Variants in PPP1R15B observed in about 807,000 individuals in gnomAD.
PPP1R15B encodes protein phosphatase 1 regulatory subunit 15B.
PPP1R15B carries 31 observed loss-of-function variants against 53.9 expected under a neutral mutation model. That is an observed-to-expected ratio of 0.58 (90% confidence interval 0.43 to 0.78). The LOEUF (loss-of-function observed/expected upper bound fraction) is 0.78. PPP1R15B is among the 30% of genes least tolerant of loss of function. PPP1R15B has a pLI of 0.00. For synonymous variants in PPP1R15B, 345 were observed against 329.1 expected, an observed-to-expected ratio of 1.05 and a Z score of -0.52; for missense variants, 928 against 849.6, an observed-to-expected ratio of 1.09 and a Z score of -1.15.
rs1374484664 is a variant in PPP1R15B at position 204,404,620 on chromosome 1, GAAATA to G, written c.*1467_*1471del. 2 of 985,228 alleles carry G rather than the reference GAAATA, an allele frequency of 2.0e-6. No homozygotes were observed. Among genetic ancestry groups the G allele is most frequent in the African/African-American group, 1.7e-5 (1 of 57,216 alleles). The allele number at this position is 985,228 out of a possible 1,614,324, so 61.0% of individuals were successfully genotyped here. On this transcript the variant is annotated 3_prime_UTR_variant, in exon 2 of 2. Coordinates refer to ENST00000367188, the MANE Select transcript of PPP1R15B (RefSeq NM_032833.5). Reference sequence around the variant, plus strand: ...TGGAGGCAGTTCTTAGAACTGGATAGAAATAAAATAATGACCAGGTAGATTGTAAA... The same window carrying G: ...TGGAGGCAGTTCTTAGAACTGGATAGAAATAATGACCAGGTAGATTGTAAA...
At chr1:204,400,488 T>TC (rs1165879288), downstream of PPP1R15B, among the ~76,000 whole-genome samples, 1 of 148,424 alleles carries the variant, frequency 6.7e-6, no homozygotes, top group Non-Finnish European at 1.5e-5. Context: ...TTCTTTTTCT[T>TC]TTTTTTTTTT....
At position 204,406,772 on chromosome 1, in the gene PPP1R15B, TTAGA is replaced by T. The variant is rs369309297; in HGVS notation, c.1921-463_1921-460del. Among the ~76,000 whole-genome samples the T allele has an allele frequency of 4.2e-3, 643 of 151,316 alleles. 5 individuals carry two copies. The highest frequency in any genetic ancestry group is 0.015 in the African/African-American group (620 of 41,320). ...TGTCTCAAAAAAAAAAAAGTTCAGATTAGATGGCATTTGGATAAAATAGTGAACA... is the reference window on the plus strand; with the variant it reads ...TGTCTCAAAAAAAAAAAAGTTCAGATTGGCATTTGGATAAAATAGTGAACA... On this transcript the variant is annotated intron_variant, in intron 1 of 1. Coordinates refer to ENST00000367188, the MANE Select transcript of PPP1R15B (RefSeq NM_032833.5).
Position 204,405,150 on chromosome 1 carries a change from G to A in PPP1R15B, c.*942C>T. ...TATTCATTAACACTGGTTTTCTGTT[G>A]AGAACATATACACCAAAACCAAATT... is the stretch of plus-strand genomic sequence containing the variant. On this transcript the variant is annotated 3_prime_UTR_variant, in exon 2 of 2. Coordinates refer to ENST00000367188, the MANE Select transcript of PPP1R15B (RefSeq NM_032833.5). 1.0e-6 allele frequency: 1 copy of A among 985,820 alleles called. No homozygotes were observed. 61.1% of individuals were successfully genotyped at this position (985,820 alleles called of 1,614,324 possible).
chr1:204,406,778 G>A (rs1674272869), intron 1 of PPP1R15B, among the ~76,000 whole-genome samples: 1 of 151,300 alleles, frequency 6.6e-6, no homozygotes, highest in Non-Finnish European at 1.5e-5. Context: ...CAGATTAGAT[G>A]GCATTTGGAT....
In PPP1R15B at chr1:204,404,074, T is replaced by A. The variant is rs1674221814; in HGVS notation, c.*2018A>T. The A allele has an allele frequency of 1.0e-6, 1 of 985,336 alleles. No homozygotes were observed. The highest frequency in any genetic ancestry group is 1.2e-6 in the Non-Finnish European group (1 of 829,936). The allele number at this position is 985,336 out of a possible 1,614,324, so 61.0% of individuals were successfully genotyped here. On this transcript the variant is annotated 3_prime_UTR_variant, in exon 2 of 2. Coordinates refer to ENST00000367188, the MANE Select transcript of PPP1R15B (RefSeq NM_032833.5). ...TTCAGCCTGGTTTTAAAAGAATGCC[T>A]GTATGTTGTCAAAAGGCTTTTTTCA... is the stretch of plus-strand genomic sequence containing the variant.
chr1:204,399,265 T>A (rs899234338), downstream of PPP1R15B, among the ~76,000 whole-genome samples: 2 of 151,816 alleles, frequency 1.3e-5, no homozygotes, highest in Admixed American at 6.6e-5. Flanking sequence ...TCTATTTATA[T>A]ATATTAAAAA....
Position 204,405,978 on chromosome 1 carries a change from G to A in PPP1R15B, c.*114C>T. 6.8e-7 allele frequency: 1 copy of A among 1,470,002 alleles called. No individual in the cohort carries two copies. Among genetic ancestry groups the A allele is most frequent in the East Asian group, 2.4e-5 (1 of 41,882 alleles). The allele number at this position is 1,470,002 out of a possible 1,614,324, so 91.1% of individuals were successfully genotyped here. ...AAAAAAAAAATTAAACTAGATCCAA[G>A]TTACATTTCCTCTAAAAAAAAAAAT... is the stretch of plus-strand genomic sequence containing the variant. On this transcript the variant is annotated 3_prime_UTR_variant, in exon 2 of 2. Transcript: ENST00000367188.
chr1:204,401,310 T>C (rs530780699), downstream of PPP1R15B, among the ~76,000 whole-genome samples: 1 of 152,348 alleles, frequency 6.6e-6, no homozygotes, highest in Admixed American at 6.5e-5. Context: ...CTCAATAGCA[T>C]GCTGCCAACA....
At chr1:204,408,954 T>C (rs748344063) in intron 1 of PPP1R15B, among the ~76,000 whole-genome samples, 2 of 152,234 alleles carry the variant, frequency 1.3e-5, no homozygotes, top group Non-Finnish European at 2.9e-5. Flanking sequence ...GAAATTACTA[T>C]TTAATTTCAT....
In PPP1R15B at chr1:204,404,657, T is replaced by TAGTA. The variant is rs1262582879; in HGVS notation, c.*1431_*1434dup. 1 of 985,628 alleles carries TAGTA rather than the reference T, an allele frequency of 1.0e-6. No homozygotes were observed. Among genetic ancestry groups the TAGTA allele is most frequent in the African/African-American group, 1.7e-5 (1 of 57,192 alleles). 61.1% of individuals were successfully genotyped at this position (985,628 alleles called of 1,614,324 possible). On this transcript the variant is annotated 3_prime_UTR_variant, in exon 2 of 2. Transcript: ENST00000367188. ...TGACCAGGTAGATTGTAAACTGAGG[T>TAGTA]AGTAACCCTGTAAGCACTTCTGATG...
At position 204,406,236 on chromosome 1, in the gene PPP1R15B, T is replaced by G. The variant is rs746662490; in HGVS notation, c.1998A>C (p.Ala666=). The change falls in exon 2 of 2, where the codon GCA becomes GCC. Residue 666 remains alanine, a synonymous_variant. Transcript: ENST00000367188. ...EDRKGPWEEF[A]RDGCRFQKRI... The stretch of plus-strand genomic sequence containing the variant: ...GTTTCTGGAACCTGCATCCATCCCT[T>G]GCAAATTCTTCCCATGGTCCTTTGC... 1 of 1,614,202 alleles carries G rather than the reference T, an allele frequency of 6.2e-7. No individual in the cohort carries two copies. Among genetic ancestry groups the G allele is most frequent in the Admixed American group, 1.7e-5 (1 of 60,024 alleles).
In PPP1R15B at chr1:204,405,073, AT is replaced by A; in HGVS notation, c.*1018del. 24 of 985,752 alleles carry A rather than the reference AT, an allele frequency of 2.4e-5. No individual in the cohort carries two copies. The highest frequency in any genetic ancestry group is 2.7e-5 in the Non-Finnish European group (22 of 829,876). The allele number at this position is 985,752 out of a possible 1,614,324, so 61.1% of individuals were successfully genotyped here. Reference sequence around the variant, plus strand: ...GAAAATTCAGAACTGCCCATTTCCAATTTTACAGTGGGATCCTGACAGGTTT... The same window carrying A: ...GAAAATTCAGAACTGCCCATTTCCAATTTACAGTGGGATCCTGACAGGTTT... On this transcript the variant is annotated 3_prime_UTR_variant, in exon 2 of 2. Coordinates refer to ENST00000367188, the MANE Select transcript of PPP1R15B (RefSeq NM_032833.5).
In PPP1R15B at chr1:204,411,212, A is replaced by G; in HGVS notation, c.200T>C (p.Leu67Pro). ...ETRVSYWTKL[L>P]SQLLAPLPGL... The stretch of plus-strand genomic sequence containing the variant: ...GGGGAGCGGCGCAAGGAGCTGGGAG[A>G]GCAGTTTCGTCCAGTAACTGACCCG... The change falls in exon 1 of 2, where the codon CTC becomes CCC. Residue 67 changes from leucine to proline, a missense_variant. Physicochemically the swap from Leu to Pro is moderately conservative, Grantham distance 98. Coordinates refer to ENST00000367188, the MANE Select transcript of PPP1R15B (RefSeq NM_032833.5). 6.2e-7 allele frequency: 1 copy of G among 1,614,176 alleles called. No individual in the cohort carries two copies. The highest frequency in any genetic ancestry group is 8.5e-7 in the Non-Finnish European group (1 of 1,180,016).
Position 204,405,489 on chromosome 1 carries a change from G to A in PPP1R15B, c.*603C>T. On this transcript the variant is annotated 3_prime_UTR_variant, in exon 2 of 2. Coordinates refer to ENST00000367188, the MANE Select transcript of PPP1R15B (RefSeq NM_032833.5). ...GTAGAACTTAATGTAGAAATAAAAA[G>A]GCTACCACATATTTTCAATCCAAGT... 7 of 983,238 alleles carry A rather than the reference G, an allele frequency of 7.1e-6. No individual in the cohort carries two copies. The highest frequency in any genetic ancestry group is 8.5e-6 in the Non-Finnish European group (7 of 828,388). The allele number at this position is 983,238 out of a possible 1,614,324, so 60.9% of individuals were successfully genotyped here.
rs1272218350 is a variant in PPP1R15B, at chr1:204,411,064, G to A, written c.348C>T (p.Ala116=). 1 of 1,614,200 alleles carries A rather than the reference G, an allele frequency of 6.2e-7. No individual in the cohort carries two copies. Among genetic ancestry groups the A allele is most frequent in the South Asian group, 1.1e-5 (1 of 91,086 alleles). The change falls in exon 1 of 2, where the codon GCC becomes GCT. Residue 116 remains alanine, a synonymous_variant. Coordinates refer to ENST00000367188, the MANE Select transcript of PPP1R15B (RefSeq NM_032833.5). Reference sequence around the variant, plus strand: ...TCAAAGATTTCTGCGCTGTGGGGGCGGCTGGTTTCTCCCGTCCCTTCAGGG... The same window carrying A: ...TCAAAGATTTCTGCGCTGTGGGGGCAGCTGGTTTCTCCCGTCCCTTCAGGG... ...LRALKGREKP[A]APTAQKSLSS... is the part of the protein sequence containing the mutation.
downstream of PPP1R15B, among the ~76,000 whole-genome samples, chr1:204,398,161 A>C (rs1674120779): frequency 6.6e-6 from 1 of 152,196 alleles, no homozygotes; most frequent in Non-Finnish European, 1.5e-5. Context: ...ATTAAAATTC[A>C]ATGTGACTTG....
At chr1:204,402,594 T>G (rs61453789), downstream of PPP1R15B, among the ~76,000 whole-genome samples, 12,970 of 150,780 alleles carry the variant, frequency 0.086, 893 homozygotes, top group African/African-American at 0.19. Context: ...GTTTTTTTGT[T>G]TTTTTTTGTA....
In PPP1R15B at chr1:204,405,023, A is replaced by T; in HGVS notation, c.*1069T>A. On this transcript the variant is annotated 3_prime_UTR_variant, in exon 2 of 2. Transcript: ENST00000367188. ...CACAATAAACCTGGATATTGACTGA[A>T]GTTTATATTTTACATTTCAAACGTG... 5 of 985,762 alleles carry T rather than the reference A, an allele frequency of 5.1e-6. No individual in the cohort carries two copies. The highest frequency in any genetic ancestry group is 6.0e-6 in the Non-Finnish European group (5 of 829,842). The allele number at this position is 985,762 out of a possible 1,614,324, so 61.1% of individuals were successfully genotyped here.
chr1:204,411,784 G>A lies in PPP1R15B; in HGVS notation c.-373C>T, dbSNP rs970659503. 7 of 251,408 alleles carry A rather than the reference G, an allele frequency of 2.8e-5. No homozygotes were observed. Among genetic ancestry groups the A allele is most frequent in the African/African-American group, 1.4e-4 (6 of 43,994 alleles). The allele number at this position is 251,408 out of a possible 1,614,324, so 15.6% of individuals were successfully genotyped here. On this transcript the variant is annotated 5_prime_UTR_variant, in exon 1 of 2. Coordinates refer to ENST00000367188, the MANE Select transcript of PPP1R15B (RefSeq NM_032833.5). ...AACGCGATACCGGAAGGACTGGGTA[G>A]GCCGGCTGGTGCGGTGGAAGCGAAG...
Sources: gnomAD v4.1 joint callset for allele counts (sites outside exome capture counted in the v4.1 genomes callset) on GRCh38, gnomAD v4.1.1 for gene constraint, MANE v1.5 for transcripts, NCBI Gene and HGNC (gene_info 2026-07-23, HGNC 2026-07-21) for gene names.